The following CNTN5 variants were observed in gnomAD, a reference collection of about 807,000 sequenced individuals.
The protein encoded by CNTN5 is contactin-5.
A neutral mutation model predicts 129.1 loss-of-function variants in CNTN5; 77 were observed. That is an observed-to-expected ratio of 0.60 (90% CI 0.50 to 0.72). CNTN5 has a LOEUF of 0.72. Among genes scored for constraint, CNTN5 ranks in the 30% least tolerant of loss-of-function variants. The pLI is 0.00. For synonymous variants in CNTN5, 509 were observed against 465.6 expected, an observed-to-expected ratio of 1.09 and a Z score of -1.20; for missense variants, 1,478 against 1,328.8, an observed-to-expected ratio of 1.11 and a Z score of -1.75.
At chr11:99,381,526 A>T (rs1037082909) in intron 2 of CNTN5, among the ~76,000 whole-genome samples, 2 of 152,222 alleles carry the variant, frequency 1.3e-5, no homozygotes, top group African/African-American at 4.8e-5. Context: ...AATGAACTCC[A>T]TCTTAAGAGC....
chr11:99,152,821 C>A (rs1190836096), intron 1 of CNTN5, among the ~76,000 whole-genome samples: 1 of 152,164 alleles, frequency 6.6e-6, no homozygotes, highest in Admixed American at 6.5e-5. Context: ...TTAAGAACTT[C>A]TTTTAAGGCA....
At chr11:99,133,656 A>C (rs1859070625) in intron 1 of CNTN5, among the ~76,000 whole-genome samples, 1 of 148,874 alleles carries the variant, frequency 6.7e-6, no homozygotes, top group South Asian at 2.1e-4. Context: ...ACATGAAAAG[A>C]AGCTCAATAT....
chr11:99,212,483 G>A (rs990503397), intron 1 of CNTN5, among the ~76,000 whole-genome samples: 23 of 152,124 alleles, frequency 1.5e-4, no homozygotes, highest in African/African-American at 4.8e-4. Flanking sequence ...AGCATCATGC[G>A]GTTCTTCTGC....
At chr11:99,038,211 G>T (rs1863837114) in intron 1 of CNTN5, among the ~76,000 whole-genome samples, 1 of 152,046 alleles carries the variant, frequency 6.6e-6, no homozygotes, top group Non-Finnish European at 1.5e-5. Context: ...TGTCCAAGCT[G>T]TAGTTCCCTA....
chr11:99,669,440 T>TA (rs1952938348), intron 3 of CNTN5, among the ~76,000 whole-genome samples: 1 of 100,438 alleles, frequency 1.0e-5, no homozygotes, highest in African/African-American at 4.0e-5. Context: ...CTATTAAATA[T>TA]GGTGTGTGTG....
chr11:100,190,060 T>C (rs115551252), intron 13 of CNTN5, among the ~76,000 whole-genome samples: 1,787 of 152,252 alleles, frequency 0.012, 37 homozygotes, highest in African/African-American at 0.04. Flanking sequence ...ATTGACAAGA[T>C]TGAATACACA....
chr11:99,197,331 A>G (rs1177551881), intron 1 of CNTN5, among the ~76,000 whole-genome samples: 1 of 151,906 alleles, frequency 6.6e-6, no homozygotes, highest in East Asian at 1.9e-4. Flanking sequence ...CCTACCTAAA[A>G]ATGTATATAT....
At chr11:99,080,981 T>TTTTG (rs1491110408) in intron 1 of CNTN5, among the ~76,000 whole-genome samples, 5 of 46,140 alleles carry the variant, frequency 1.1e-4, no homozygotes, top group Non-Finnish European at 1.5e-4. Flanking sequence ...GAGAAATCAG[T>TTTTG]TTTTTTTTTT....
At chr11:99,844,235 A>G (rs907516225) in intron 4 of CNTN5, among the ~76,000 whole-genome samples, 6 of 150,128 alleles carry the variant, frequency 4.0e-5, no homozygotes, top group African/African-American at 1.5e-4. Flanking sequence ...CTTATTGACT[A>G]TTTAGTTGTA....
rs146787172 is a variant in CNTN5, at chr11:99,425,888, G to A, written c.-71+100404G>A. ...CCACTGCAGCCAGTGTCTTCACAGC[G>A]CTGCTCCAGAAAGGTCACTGCTGCC... On this transcript the variant is annotated intron_variant, in intron 2 of 24. Transcript: ENST00000524871. Among the ~76,000 whole-genome samples the A allele has an allele frequency of 7.1e-3, 1,079 of 152,342 alleles. 10 individuals are homozygous for A. The highest frequency in any genetic ancestry group is 0.01 in the Non-Finnish European group (703 of 68,034).
At chr11:99,753,344 G>A (rs978857896) in intron 3 of CNTN5, among the ~76,000 whole-genome samples, 17 of 151,012 alleles carry the variant, frequency 1.1e-4, no homozygotes, top group African/African-American at 3.4e-4. Context: ...GGATGGTCTC[G>A]ATCTCCTGAC....
intron 3 of CNTN5, among the ~76,000 whole-genome samples, chr11:99,769,691 G>T (rs1197382456): frequency 1.3e-5 from 2 of 151,888 alleles, no homozygotes; most frequent in Admixed American, 6.6e-5. Context: ...GTGCTTGCCT[G>T]TAATCCCAGC....
At chr11:99,288,411 A>G (rs76400706) in intron 1 of CNTN5, among the ~76,000 whole-genome samples, 6,961 of 151,964 alleles carry the variant, frequency 0.046, 349 homozygotes, top group East Asian at 0.18. Flanking sequence ...ACTGATATTA[A>G]AAGAATGTAG....
chr11:99,201,000 G>GCCTT (rs781432501), intron 1 of CNTN5, among the ~76,000 whole-genome samples: 29 of 141,608 alleles, frequency 2.0e-4, no homozygotes, highest in Non-Finnish European at 3.1e-4. Flanking sequence ...CTGCCCACCT[G>GCCTT]CCTTCCTTCC....
At chr11:99,501,751 G>T (rs1375261583) in intron 2 of CNTN5, among the ~76,000 whole-genome samples, 3 of 152,072 alleles carry the variant, frequency 2.0e-5, no homozygotes, top group Non-Finnish European at 2.9e-5. Flanking sequence ...TAGAAATAAG[G>T]CACACCTGGT....
At chr11:99,367,985 T>C (rs1033555173) in intron 2 of CNTN5, among the ~76,000 whole-genome samples, 1 of 152,296 alleles carries the variant, frequency 6.6e-6, no homozygotes, top group African/African-American at 2.4e-5. Context: ...TGAATACCTC[T>C]GTTAAATTAA....
At chr11:99,834,456 G>T (rs930780003) in intron 4 of CNTN5, among the ~76,000 whole-genome samples, 5 of 152,144 alleles carry the variant, frequency 3.3e-5, no homozygotes, top group Non-Finnish European at 5.9e-5. Flanking sequence ...AGCCCAGGAG[G>T]TTGCGGCTGC....
chr11:100,261,812 G>A (rs1345669062), intron 17 of CNTN5, among the ~76,000 whole-genome samples: 1 of 152,140 alleles, frequency 6.6e-6, no homozygotes, highest in African/African-American at 2.4e-5. Context: ...ATGGATTTAA[G>A]ACTTAAACGT....
chr11:99,031,642 A>C lies in CNTN5; in HGVS notation c.-210+10372A>C, dbSNP rs1863378490. 5.9e-5 allele frequency among the ~76,000 whole-genome samples: 9 copies of C among 152,108 alleles called. No homozygotes were observed. In the South Asian group the frequency reaches 1.9e-3, roughly 32 times the overall value. On this transcript the variant is annotated intron_variant, in intron 1 of 24. Transcript: ENST00000524871. The stretch of plus-strand genomic sequence containing the variant: ...ATACCATGAGCTATTTGAAAAAAAA[A>C]CCAAACAAACCTGGAATTGATATTT...
Sources: gnomAD v4.1 joint callset for allele counts (sites outside exome capture counted in the v4.1 genomes callset) on GRCh38, gnomAD v4.1.1 for gene constraint, MANE v1.5 for transcripts, NCBI Gene and HGNC (gene_info 2026-07-23, HGNC 2026-07-21) for gene names.